The following FAM185A variants were observed in gnomAD, a reference collection of about 807,000 sequenced individuals.
The protein encoded by FAM185A is protein FAM185A.
Under a neutral mutation model 45.7 loss-of-function variants are expected in FAM185A, and 21 were observed. The ratio of observed to expected loss-of-function variants is 0.46; its 90% CI spans 0.33 to 0.66. The LOEUF (loss-of-function observed/expected upper bound fraction) is 0.66. Among genes scored for constraint, FAM185A ranks in the 30% least tolerant of loss-of-function variants. The probability of loss-of-function intolerance (pLI) is 0.03; values close to 1 mark genes in which losing one functional copy is unlikely to be tolerated. For synonymous variants in FAM185A, 117 were observed against 194.0 expected, an observed-to-expected ratio of 0.60 and a Z score of 3.30; for missense variants, 305 against 485.4, an observed-to-expected ratio of 0.63 and a Z score of 3.49.
chr7:102,846,552 G>A, the FAM185A span, among the ~76,000 whole-genome samples: 1 of 150,184 alleles, frequency 6.7e-6, no homozygotes, highest in African/African-American at 2.5e-5. Flanking sequence ...CCGGAAGGAG[G>A]TTGCAGTGAG....
chr7:102,803,300 G>A (rs1199290441), intron 7 of FAM185A, among the ~76,000 whole-genome samples: 6 of 152,056 alleles, frequency 3.9e-5, no homozygotes, highest in South Asian at 2.1e-4. Flanking sequence ...CTAGCTAACC[G>A]AATCCAACAA....
At chr7:102,811,407 G>A (rs1238301527), downstream of FAM185A, among the ~76,000 whole-genome samples, 1 of 152,164 alleles carries the variant, frequency 6.6e-6, no homozygotes, top group Non-Finnish European at 1.5e-5. Context: ...TTCTCTACCT[G>A]TATCCCTATT....
At chr7:102,779,583 C>T (rs1441156507) in intron 6 of FAM185A, 1 of 152,134 alleles carries the variant, frequency 6.6e-6, no homozygotes, top group African/African-American at 2.4e-5. Context: ...TCTATTTATC[C>T]TGAAATCTTC....
chr7:102,753,225 T>C (rs1255501279), intron 2 of FAM185A, among the ~76,000 whole-genome samples: 3 of 151,826 alleles, frequency 2.0e-5, no homozygotes, highest in Non-Finnish European at 4.4e-5. Context: ...GTTCAGTCAT[T>C]GATACTTAAG....
At chr7:102,847,212 A>AT in the FAM185A span, among the ~76,000 whole-genome samples, 1 of 152,076 alleles carries the variant, frequency 6.6e-6, no homozygotes, top group African/African-American at 2.4e-5. Context: ...TACAGGAAAA[A>AT]AAAAAAAGCC....
chr7:102,758,426 G>GATTT (rs1562845336), intron 3 of FAM185A, among the ~76,000 whole-genome samples: 1 of 95,864 alleles, frequency 1.0e-5, no homozygotes, highest in East Asian at 3.3e-4. Context: ...TGCTCTCACA[G>GATTT]CTTTTTTTTT....
chr7:102,835,901 G>A, the FAM185A span, among the ~76,000 whole-genome samples: 5 of 152,172 alleles, frequency 3.3e-5, no homozygotes, highest in African/African-American at 4.8e-5. Flanking sequence ...GAGCCACCGC[G>A]CCCGGCCCCG....
chr7:102,831,692 A>AT, the FAM185A span, among the ~76,000 whole-genome samples: 12 of 151,692 alleles, frequency 7.9e-5, no homozygotes, highest in South Asian at 2.1e-4. Flanking sequence ...TGTAAATCAG[A>AT]TTTTTTTTTC....
chr7:102,781,812 G>C (rs567338830), intron 6 of FAM185A, among the ~76,000 whole-genome samples: 89 of 152,326 alleles, frequency 5.8e-4, no homozygotes, highest in South Asian at 2.7e-3. Flanking sequence ...GATGGAGAAT[G>C]ACTTTGACGA....
intron 4 of FAM185A, among the ~76,000 whole-genome samples, 187 bp downstream of exon 4, chr7:102,761,598 T>G (rs1166662368): frequency 1.3e-5 from 2 of 151,694 alleles, no homozygotes; most frequent in Admixed American, 6.6e-5. Flanking sequence ...ATTTTATTTG[T>G]GCAAGAGATT....
the FAM185A span, among the ~76,000 whole-genome samples, chr7:102,842,730 T>TGA: frequency 2.6e-5 from 4 of 152,216 alleles, no homozygotes; most frequent in Non-Finnish European, 5.9e-5. Flanking sequence ...AGGTAGGTAC[T>TGA]CCTGGGCCTT....
chr7:102,802,482 C>T (rs1796854362), intron 7 of FAM185A, among the ~76,000 whole-genome samples: 1 of 152,184 alleles, frequency 6.6e-6, no homozygotes, highest in African/African-American at 2.4e-5. Flanking sequence ...TTTAAAAATT[C>T]TTTGAACTGA....
the FAM185A span, among the ~76,000 whole-genome samples, chr7:102,835,766 C>T: frequency 3.2e-3 from 477 of 148,968 alleles, 13 homozygotes; most frequent in Admixed American, 0.027. Flanking sequence ...CCCGCCACTA[C>T]GCCCGGCTAA....
rs779838524 is a variant in FAM185A, at chr7:102,806,545, T to TTTTG, written c.1067-1731_1067-1728dup. Among the ~76,000 whole-genome samples, 31 of 117,174 alleles carry TTTTG rather than the reference T, an allele frequency of 2.6e-4. No individual in the cohort carries two copies. The East Asian group carries it at 7.4e-3, about 28-fold the overall frequency. 76.9% of individuals were successfully genotyped at this position (117,174 alleles called of 152,430 possible). A position where few individuals can be genotyped will look rare whatever the true frequency, so the allele number is the denominator to read the frequency against. On this transcript the variant is annotated intron_variant, in intron 7 of 7. Coordinates refer to ENST00000413034, the MANE Select transcript of FAM185A (RefSeq NM_001145268.2). ...CTGGAATTTTTTAATGAACCCAAGT[T>TTTTG]TTTGTTTGTTTGTTTGTGTTTTTTT...
chr7:102,793,806 A>G (rs1796280440), intron 7 of FAM185A, among the ~76,000 whole-genome samples: 1 of 151,880 alleles, frequency 6.6e-6, no homozygotes, highest in Admixed American at 6.5e-5. Flanking sequence ...TGGGAAGCCG[A>G]GGTGGGTGGA....
the FAM185A span, among the ~76,000 whole-genome samples, chr7:102,837,161 A>G: frequency 6.6e-6 from 1 of 152,226 alleles, no homozygotes; most frequent in African/African-American, 2.4e-5. Flanking sequence ...TCCACCAACA[A>G]TGGCCTTGTT....
At chr7:102,818,952 C>T in the FAM185A span, among the ~76,000 whole-genome samples, 20 of 152,142 alleles carry the variant, frequency 1.3e-4, no homozygotes, top group African/African-American at 2.4e-5. Flanking sequence ...TCCCTCCTCC[C>T]ACCCTCCACC....
chr7:102,834,140 AAAGAGAAGAC>A, the FAM185A span, among the ~76,000 whole-genome samples: 1 of 102,992 alleles, frequency 9.7e-6, no homozygotes, highest in Non-Finnish European at 1.9e-5. Flanking sequence ...GAAAGAAAGA[AAAGAGAAGAC>A]AAGAGAAAAG....
chr7:102,813,797 C>A (rs958651158), downstream of FAM185A, among the ~76,000 whole-genome samples: 12 of 152,156 alleles, frequency 7.9e-5, no homozygotes, highest in Admixed American at 3.3e-4. Context: ...GGAAGAGGAA[C>A]ACTGAGGCCT....
Sources: gnomAD v4.1 joint callset for allele counts (sites outside exome capture counted in the v4.1 genomes callset) on GRCh38, gnomAD v4.1.1 for gene constraint, MANE v1.5 for transcripts, NCBI Gene and HGNC (gene_info 2026-07-23, HGNC 2026-07-21) for gene names.